Variants in PHIP observed in about 807,000 individuals in gnomAD.
PHIP encodes PH-interacting protein.
A neutral mutation model predicts 236.8 loss-of-function variants in PHIP; 54 were observed. That is an observed-to-expected ratio of 0.23 (90% CI 0.18 to 0.29). The LOEUF (loss-of-function observed/expected upper bound fraction) is 0.29, where lower values mean the gene tolerates loss of function less well. Among genes scored for constraint, PHIP ranks in the 10% least tolerant of loss-of-function variants. PHIP has a pLI of 1.00. For synonymous variants in PHIP, 756 were observed against 718.9 expected, an observed-to-expected ratio of 1.05 and a Z score of -0.83; for missense variants, 1,370 against 2,190.8, an observed-to-expected ratio of 0.63 and a Z score of 7.48.
intron 6 of PHIP, among the ~76,000 whole-genome samples, chr6:79,052,557 T>C (rs754682038): frequency 3.9e-5 from 6 of 152,200 alleles, no homozygotes; most frequent in African/African-American, 9.6e-5. Context: ...GGATAACTCA[T>C]TGCAGTTTTC....
Position 78,935,605 on chromosome 6 carries a change from A to C in PHIP, c.*5088T>G. On this transcript the variant is annotated 3_prime_UTR_variant, in exon 40 of 40. Coordinates refer to ENST00000275034, the MANE Select transcript of PHIP (RefSeq NM_017934.7). ...AATAAAATTGTTTTATTAAATGTACACATAAAAAGGCATATAAGTTTTTGA... is the reference window on the plus strand; with the variant it reads ...AATAAAATTGTTTTATTAAATGTACCCATAAAAAGGCATATAAGTTTTTGA... The C allele has an allele frequency of 1.0e-6, 1 of 978,492 alleles. No homozygotes were observed. Among genetic ancestry groups the C allele is most frequent in the South Asian group, 4.7e-5 (1 of 21,140 alleles). 60.6% of individuals were successfully genotyped at this position (978,492 alleles called of 1,614,324 possible).
chr6:78,992,493 T>C (rs921486789), intron 19 of PHIP, among the ~76,000 whole-genome samples: 5 of 152,086 alleles, frequency 3.3e-5, no homozygotes, highest in East Asian at 3.9e-4. Context: ...TTTTTTTTTT[T>C]CACAAGCTGC....
intron 29 of PHIP, among the ~76,000 whole-genome samples, chr6:78,963,674 CAG>C (rs1344289265): frequency 6.6e-6 from 1 of 152,108 alleles, no homozygotes; most frequent in South Asian, 2.1e-4. Flanking sequence ...AATGTAGGAA[CAG>C]AGAGAATTAT....
intron 20 of PHIP, among the ~76,000 whole-genome samples, chr6:78,990,102 G>A (rs894294322): frequency 6.6e-6 from 1 of 152,140 alleles, no homozygotes; most frequent in Non-Finnish European, 1.5e-5. Flanking sequence ...GAAGGAACAC[G>A]AAGCTGGTGA....
chr6:79,011,690 C>T (rs572401641), intron 15 of PHIP, among the ~76,000 whole-genome samples: 1 of 151,770 alleles, frequency 6.6e-6, no homozygotes, highest in African/African-American at 2.4e-5. Context: ...GAAAAATAAA[C>T]CCCTCAGTTT....
chr6:79,021,320 T>C (rs918730599), intron 9 of PHIP, among the ~76,000 whole-genome samples: 3 of 152,204 alleles, frequency 2.0e-5, no homozygotes, highest in Non-Finnish European at 2.9e-5. Context: ...CTAATTCTTA[T>C]ATTTTTAGTA....
intron 39 of PHIP, among the ~76,000 whole-genome samples, chr6:78,942,024 A>G (rs1773527837): frequency 1.3e-5 from 2 of 152,278 alleles, no homozygotes; most frequent in South Asian, 4.2e-4. Flanking sequence ...ACCAGTAACT[A>G]ACTCTCTTTC....
intron 15 of PHIP, among the ~76,000 whole-genome samples, chr6:79,011,200 T>A (rs1016322095): frequency 3.9e-5 from 6 of 151,958 alleles, no homozygotes; most frequent in Admixed American, 6.6e-5. Flanking sequence ...ATATTCTTAA[T>A]ATACACTACT....
chr6:79,018,281 A>T (rs1183394140), intron 10 of PHIP, among the ~76,000 whole-genome samples: 1 of 151,984 alleles, frequency 6.6e-6, no homozygotes, highest in Non-Finnish European at 1.5e-5. Flanking sequence ...TGACTACTAC[A>T]AGGAATACTG....
At chr6:78,957,623 T>TA (rs1018710173) in intron 32 of PHIP, 8 of 150,204 alleles carry the variant, frequency 5.3e-5, no homozygotes, top group African/African-American at 1.7e-4. Context: ...TTTCATTATG[T>TA]AAAAATGAAA....
At chr6:79,053,855 A>G (rs1192589738) in intron 6 of PHIP, among the ~76,000 whole-genome samples, 1 of 152,178 alleles carries the variant, frequency 6.6e-6, no homozygotes, top group African/African-American at 2.4e-5. Flanking sequence ...CAGATGGTTT[A>G]TATGAAGTGG....
intron 29 of PHIP, among the ~76,000 whole-genome samples, chr6:78,965,154 T>C (rs1421785378): frequency 6.6e-6 from 1 of 152,208 alleles, no homozygotes; most frequent in Non-Finnish European, 1.5e-5. Context: ...TGAGCTCTTA[T>C]ATGTGTCAGG....
chr6:79,048,732 C>T (rs988059663), intron 6 of PHIP, among the ~76,000 whole-genome samples: 33 of 152,136 alleles, frequency 2.2e-4, no homozygotes, highest in Admixed American at 1.3e-4. Flanking sequence ...ATACCTACTC[C>T]AGTGTAGGAA....
intron 37 of PHIP, 39 bp downstream of exon 37, chr6:78,946,670 AGT>A (rs1237417263): frequency 4.7e-6 from 7 of 1,494,470 alleles, no homozygotes; most frequent in Non-Finnish European, 6.2e-6. Context: ...TTTAGATGAA[AGT>A]TATAGATCAG....
At chr6:79,029,969 A>G (rs1771590665) in intron 7 of PHIP, among the ~76,000 whole-genome samples, 1 of 152,202 alleles carries the variant, frequency 6.6e-6, no homozygotes. Context: ...TCAATAAGCC[A>G]AAGAGTAAGA....
chr6:78,953,489 G>A (rs547382320), intron 35 of PHIP, among the ~76,000 whole-genome samples: 73 of 152,268 alleles, frequency 4.8e-4, no homozygotes, highest in African/African-American at 1.7e-3. Context: ...GAACCAAAGC[G>A]AAATCCATAA....
At chr6:79,026,907 T>C (rs550271487) in intron 7 of PHIP, among the ~76,000 whole-genome samples, 106 of 151,978 alleles carry the variant, frequency 7.0e-4, no homozygotes, top group African/African-American at 2.5e-3. Flanking sequence ...TCCCCATATA[T>C]CTACTTCCCA....
intron 30 of PHIP, among the ~76,000 whole-genome samples, chr6:78,962,440 A>T (rs1766846609): frequency 6.6e-6 from 1 of 152,170 alleles, no homozygotes; most frequent in South Asian, 2.1e-4. Flanking sequence ...ATTCCTATAA[A>T]GTGTTGGCAT....
intron 7 of PHIP, among the ~76,000 whole-genome samples, chr6:79,040,331 T>C (rs1772143858): frequency 6.6e-6 from 1 of 152,144 alleles, no homozygotes; most frequent in African/African-American, 2.4e-5. Flanking sequence ...TTAACCACAG[T>C]ACTGTATGCC....
Sources: allele counts gnomAD v4.1 joint callset (sites outside exome capture counted in the v4.1 genomes callset), GRCh38; gene constraint gnomAD v4.1.1; transcripts MANE v1.5; gene names NCBI Gene and HGNC (gene_info 2026-07-23, HGNC 2026-07-21).